EXOC6B: variants seen among roughly 807,000 people sequenced by gnomAD.
EXOC6B encodes the protein exocyst complex component 6B.
Under a neutral mutation model 113.5 loss-of-function variants are expected in EXOC6B, and 54 were observed. The ratio of observed to expected loss-of-function variants is 0.48; its 90% CI spans 0.38 to 0.60. EXOC6B has a LOEUF of 0.60. Among genes scored for constraint, EXOC6B ranks in the 20% least tolerant of loss-of-function variants. The pLI, the probability that EXOC6B is intolerant of heterozygous loss-of-function variation, is 0.00. For synonymous variants in EXOC6B, 357 were observed against 339.0 expected (o/e 1.05, Z -0.58); for missense variants, 797 against 977.5 (o/e 0.82, Z 2.46).
At chr2:72,539,937 T>A (rs1702504834) in intron 8 of EXOC6B, among the ~76,000 whole-genome samples, 1 of 118,282 alleles carries the variant, frequency 8.5e-6, no homozygotes, top group Admixed American at 8.9e-5. Context: ...CCTAATGCTA[T>A]CCCTCCCCCC....
intron 6 of EXOC6B, among the ~76,000 whole-genome samples, chr2:72,603,311 C>T (rs941010270): frequency 6.6e-6 from 1 of 151,914 alleles, no homozygotes; most frequent in African/African-American, 2.4e-5. Context: ...ATGGAAGTAC[C>T]GTAAACACTG....
In EXOC6B at chr2:72,227,417, G is replaced by A. The variant is rs1311808135; in HGVS notation, c.2197-43230C>T. 2.0e-5 allele frequency among the ~76,000 whole-genome samples: 3 copies of A among 152,046 alleles called. No homozygotes were observed. The East Asian group carries it at 5.8e-4, about 29-fold the overall frequency. ...AAGAAGACATAAAATTTCTAAACTTGTACATAACCAATAACATAGTCTGAA... is the reference window on the plus strand; with the variant it reads ...AAGAAGACATAAAATTTCTAAACTTATACATAACCAATAACATAGTCTGAA... On this transcript the variant is annotated intron_variant, in intron 20 of 21. Transcript: ENST00000272427.
In EXOC6B at chr2:72,389,505, C is replaced by G. The variant is rs1692240660; in HGVS notation, c.1981-9635G>C. ...TTCATTTCTGGTATTCTTTGCTCCT[C>G]TATGTAGATGCAAGCTTCCATTTTA... On this transcript the variant is annotated intron_variant, in intron 18 of 21. Transcript: ENST00000272427. Among the ~76,000 whole-genome samples the G allele has an allele frequency of 2.6e-5, 4 of 152,130 alleles. No individual in the cohort carries two copies. The South Asian group carries it at 8.3e-4, about 32-fold the overall frequency.
chr2:72,593,902 T>A (rs970341132), intron 6 of EXOC6B, among the ~76,000 whole-genome samples: 1 of 152,192 alleles, frequency 6.6e-6, no homozygotes, highest in Non-Finnish European at 1.5e-5. Flanking sequence ...AACATGTAGA[T>A]AAAAACCTTC....
At chr2:72,638,698 C>T (rs1239356500) in intron 6 of EXOC6B, among the ~76,000 whole-genome samples, 2 of 152,150 alleles carry the variant, frequency 1.3e-5, no homozygotes, top group Non-Finnish European at 2.9e-5. Context: ...GAGTTGGCAG[C>T]GAGAGCTGCT....
intron 20 of EXOC6B, among the ~76,000 whole-genome samples, chr2:72,282,009 T>C (rs1318839925): frequency 2.6e-5 from 4 of 152,012 alleles, no homozygotes; most frequent in Non-Finnish European, 4.4e-5. Flanking sequence ...TAAAAGAAAA[T>C]AATTGGCAAC....
At chr2:72,201,331 A>G (rs190449031) in intron 20 of EXOC6B, among the ~76,000 whole-genome samples, 1 of 152,260 alleles carries the variant, frequency 6.6e-6, no homozygotes, top group Non-Finnish European at 1.5e-5. Flanking sequence ...TCCAGATGAT[A>G]GAAGAATGGG....
chr2:72,405,000 A>G (rs1021970245), intron 18 of EXOC6B, among the ~76,000 whole-genome samples: 1 of 152,242 alleles, frequency 6.6e-6, no homozygotes, highest in Admixed American at 6.5e-5. Context: ...ACCAATGCAG[A>G]GAAGTCCTTA....
Position 72,179,434 on chromosome 2 carries a change from G to A in EXOC6B, c.2337C>T (p.Asn779=), listed in dbSNP as rs769758165. Reference sequence around the variant, plus strand: ...CATTTTTCCGAAACTGTGCAAACATGTTGTTCTTGCGGCTAGTATCCTTCA... The same window carrying A: ...CATTTTTCCGAAACTGTGCAAACATATTGTTCTTGCGGCTAGTATCCTTCA... ...EKMKDTSRKN[N]MFAQFRKNER... The change falls in exon 22 of 22, where the codon AAC becomes AAT. Residue 779 remains asparagine, a synonymous_variant. Coordinates refer to ENST00000272427, the MANE Select transcript of EXOC6B (RefSeq NM_015189.3). The A allele has an allele frequency of 2.5e-6, 4 of 1,613,892 alleles. No individual in the cohort carries two copies. The highest frequency in any genetic ancestry group is 1.1e-5 in the South Asian group (1 of 91,078).
chr2:72,334,886 C>T, intron 20 of EXOC6B, 61 bp downstream of exon 20: 3 of 1,512,086 alleles, frequency 2.0e-6, no homozygotes, highest in Non-Finnish European at 2.8e-6. Context: ...TCCTTAAGAC[C>T]TGATGGTCTT....
chr2:72,475,632 C>A (rs1573210545), intron 17 of EXOC6B, among the ~76,000 whole-genome samples: 1 of 151,178 alleles, frequency 6.6e-6, no homozygotes, highest in Admixed American at 6.6e-5. Context: ...AGTATAGGCA[C>A]CAGATGCAGT....
intron 1 of EXOC6B, among the ~76,000 whole-genome samples, chr2:72,803,227 C>T (rs1685392094): frequency 6.6e-6 from 1 of 151,858 alleles, no homozygotes; most frequent in South Asian, 2.1e-4. Flanking sequence ...CCAAAACCAA[C>T]TATAGAAATG....
chr2:72,300,061 T>A (rs1686411550), intron 20 of EXOC6B, among the ~76,000 whole-genome samples: 2 of 152,164 alleles, frequency 1.3e-5, no homozygotes, highest in Admixed American at 6.5e-5. Context: ...TGCTTGGAGA[T>A]CTGCTGCTCT....
intron 19 of EXOC6B, chr2:72,354,211 T>C (rs1168730865): frequency 6.6e-6 from 1 of 152,158 alleles, no homozygotes; most frequent in South Asian, 2.1e-4. Flanking sequence ...ATAAGTACCA[T>C]ATTTACCAAA....
chr2:72,800,891 A>T (rs1187551674), intron 1 of EXOC6B, among the ~76,000 whole-genome samples: 3 of 152,208 alleles, frequency 2.0e-5, no homozygotes, highest in Admixed American at 6.5e-5. Flanking sequence ...AAAATAATGG[A>T]CTTTCTCCAT....
intron 8 of EXOC6B, among the ~76,000 whole-genome samples, chr2:72,558,587 T>A (rs1462977343): frequency 6.6e-6 from 1 of 151,912 alleles, no homozygotes; most frequent in Non-Finnish European, 1.5e-5. Context: ...CTGACCAACA[T>A]AGAAAAACCC....
chr2:72,414,654 T>C (rs1694408425), intron 18 of EXOC6B, among the ~76,000 whole-genome samples: 1 of 152,216 alleles, frequency 6.6e-6, no homozygotes, highest in African/African-American at 2.4e-5. Context: ...CTTCACTAGC[T>C]TTGCTTAGTC....
chr2:72,553,691 T>C (rs1362151715), intron 8 of EXOC6B, among the ~76,000 whole-genome samples: 1 of 151,996 alleles, frequency 6.6e-6, no homozygotes, highest in Admixed American at 6.6e-5. Context: ...GAATTCATCA[T>C]ATGGAAAAAA....
intron 6 of EXOC6B, among the ~76,000 whole-genome samples, chr2:72,673,107 C>CA (rs1452149143): frequency 6.6e-6 from 1 of 151,850 alleles, no homozygotes; most frequent in African/African-American, 2.4e-5. Flanking sequence ...ATTAAAATAG[C>CA]AATAAAACAA....
Sources: allele counts gnomAD v4.1 joint callset (sites outside exome capture counted in the v4.1 genomes callset), GRCh38; gene constraint gnomAD v4.1.1; transcripts MANE v1.5; gene names NCBI Gene and HGNC (gene_info 2026-07-23, HGNC 2026-07-21).